The following MBOAT2 variants were observed in gnomAD, a reference collection of about 807,000 sequenced individuals.
The protein encoded by MBOAT2 is membrane bound glycerophospholipid O-acyltransferase 2.
In MBOAT2, 28 loss-of-function variants were observed where a neutral mutation model predicts 63.4. The ratio of observed to expected loss-of-function variants is 0.44; its 90% CI spans 0.33 to 0.61. The LOEUF is 0.61. Ranked by LOEUF, MBOAT2 falls within the 20% of genes least tolerant of loss-of-function variation. The pLI, the probability that MBOAT2 is intolerant of heterozygous loss-of-function variation, is 0.03. For synonymous variants in MBOAT2, 211 were observed against 215.6 expected, an observed-to-expected ratio of 0.98 and a Z score of 0.19; for missense variants, 470 against 605.8, an observed-to-expected ratio of 0.78 and a Z score of 2.35.
chr2:8,905,769 C>T (rs1052635245), intron 4 of MBOAT2, among the ~76,000 whole-genome samples: 2 of 152,060 alleles, frequency 1.3e-5, no homozygotes, highest in East Asian at 1.9e-4. Context: ...CAAACCTGCA[C>T]GTTGTGCACA....
chr2:8,884,833 C>T (rs780794019), intron 5 of MBOAT2, among the ~76,000 whole-genome samples: 3 of 152,210 alleles, frequency 2.0e-5, no homozygotes, highest in Non-Finnish European at 2.9e-5. Context: ...ACAAACCCAG[C>T]CTTCCTTCTC....
At chr2:8,931,699 T>C (rs1667328493) in intron 3 of MBOAT2, among the ~76,000 whole-genome samples, 1 of 152,220 alleles carries the variant, frequency 6.6e-6, no homozygotes, top group South Asian at 2.1e-4. Context: ...GATTTTCTTC[T>C]AGGGTTTCTA....
At position 9,003,654 on chromosome 2, in the gene MBOAT2, C is replaced by G. The variant is rs1269162560; in HGVS notation, c.-40G>C. On this transcript the variant is annotated 5_prime_UTR_variant, in exon 1 of 13. Transcript: ENST00000305997. This position sits in a 1 kb window ranked among gnomAD's most constrained non-coding sequence, Gnocchi z 5.4. ...GCTCCGGCCGCCCGCGCCGCTCGCC[C>G]GCTCGCGCTGTGCCGGGCGACGACG... 1 of 1,126,702 alleles carries G rather than the reference C, an allele frequency of 8.9e-7. No individual in the cohort carries two copies. The highest frequency in any genetic ancestry group is 1.7e-5 in the African/African-American group (1 of 60,454). 69.8% of individuals were successfully genotyped at this position (1,126,702 alleles called of 1,614,324 possible).
At chr2:8,867,988 T>C (rs1228982823) in intron 9 of MBOAT2, among the ~76,000 whole-genome samples, 1 of 152,154 alleles carries the variant, frequency 6.6e-6, no homozygotes, top group Non-Finnish European at 1.5e-5. Flanking sequence ...TCATCCTTCA[T>C]GACTCCCTAA....
At chr2:8,898,984 CT>C (rs1664706739) in intron 4 of MBOAT2, among the ~76,000 whole-genome samples, 1 of 152,206 alleles carries the variant, frequency 6.6e-6, no homozygotes, top group Non-Finnish European at 1.5e-5. Context: ...GCAGGGACTG[CT>C]GCATTTCCTT....
chr2:8,940,681 T>C (rs1667986460), intron 3 of MBOAT2, among the ~76,000 whole-genome samples: 1 of 151,052 alleles, frequency 6.6e-6, no homozygotes, highest in Non-Finnish European at 1.5e-5. Context: ...AAAGTGTGTA[T>C]ACATGTGTGT....
intron 3 of MBOAT2, among the ~76,000 whole-genome samples, chr2:8,938,548 G>A (rs13422584): frequency 0.02 from 3,057 of 150,650 alleles, 34 homozygotes; most frequent in Middle Eastern, 0.038. Context: ...GTTTCATGCC[G>A]CCATCTCATG....
At chr2:8,981,143 C>T (rs969756208) in intron 1 of MBOAT2, among the ~76,000 whole-genome samples, 1 of 152,052 alleles carries the variant, frequency 6.6e-6, no homozygotes, top group Admixed American at 6.6e-5. Context: ...CTACAGAGAT[C>T]GAAAGTAGAC....
At chr2:8,952,928 T>C (rs1388646807) in intron 2 of MBOAT2, among the ~76,000 whole-genome samples, 1 of 152,140 alleles carries the variant, frequency 6.6e-6, no homozygotes, top group Non-Finnish European at 1.5e-5. Flanking sequence ...TTATTCCACT[T>C]GCCACTCTGC....
intron 2 of MBOAT2, 49 bp downstream of exon 2, chr2:8,958,431 CACACACTCAATTCTCAA>C (rs375556358): frequency 1.3e-5 from 18 of 1,411,354 alleles, no homozygotes; most frequent in Middle Eastern, 4.0e-4. Flanking sequence ...TGTATCTTTC[CACACACTCAATTCTCAA>C]ATACATCCAA....
intron 5 of MBOAT2, among the ~76,000 whole-genome samples, 192 bp downstream of exon 5, chr2:8,887,826 C>T (rs1055735349): frequency 6.6e-5 from 10 of 152,122 alleles, no homozygotes; most frequent in Non-Finnish European, 1.0e-4. Context: ...GAATTCAAAA[C>T]GAAGATAAAA....
chr2:9,002,073 C>G (rs567522032), intron 1 of MBOAT2, among the ~76,000 whole-genome samples: 5 of 152,252 alleles, frequency 3.3e-5, no homozygotes, highest in South Asian at 4.1e-4. Flanking sequence ...GTGGAAATGT[C>G]AGCAAGAATC....
rs995813221 is a variant in MBOAT2, at chr2:8,852,744, A to C, written c.*5935T>G. 1 of 152,206 alleles carries C rather than the reference A, an allele frequency of 6.6e-6. No homozygotes were observed. The highest frequency in any genetic ancestry group is 2.4e-5 in the African/African-American group (1 of 41,442). The allele number at this position is 152,206 out of a possible 1,614,324, so 9.4% of individuals were successfully genotyped here. A position where few individuals can be genotyped will look rare whatever the true frequency, so the allele number is the denominator to read the frequency against. ...AAAGACACACAAATTAGAAAAAAAA[A>C]ACATGTCCTAAACATGTTACATGTA... On this transcript the variant is annotated 3_prime_UTR_variant, in exon 13 of 13. Coordinates refer to ENST00000305997, the MANE Select transcript of MBOAT2 (RefSeq NM_138799.4).
At chr2:8,896,666 C>G (rs1353339931) in intron 4 of MBOAT2, among the ~76,000 whole-genome samples, 1 of 152,216 alleles carries the variant, frequency 6.6e-6, no homozygotes, top group East Asian at 1.9e-4. Context: ...GTATAGACGG[C>G]TCCTTCCTGA....
In MBOAT2 at chr2:8,881,766, C is replaced by G. The variant is rs191844194; in HGVS notation, c.506+745G>C. Among the ~76,000 whole-genome samples, 20 of 151,996 alleles carry G rather than the reference C, an allele frequency of 1.3e-4. 1 individual carries two copies. The highest frequency in any genetic ancestry group is 1.3e-3 in the Admixed American group (20 of 15,270). On this transcript the variant is annotated intron_variant, in intron 6 of 12. Transcript: ENST00000305997. Reference sequence around the variant, plus strand: ...TAAAGACAGGAAAATACAAAAAGACCCCCAAGACATGCTACTTGGGATGAA... The same window carrying G: ...TAAAGACAGGAAAATACAAAAAGACGCCCAAGACATGCTACTTGGGATGAA...
intron 3 of MBOAT2, 42 bp downstream of exon 3, chr2:8,943,145 A>T (rs1668167768): frequency 1.7e-6 from 2 of 1,158,926 alleles, no homozygotes; most frequent in Non-Finnish European, 2.4e-6. Flanking sequence ...AGTTCTATTC[A>T]AGTGAAATAT....
chr2:8,861,859 A>G (rs1661523424), intron 11 of MBOAT2, among the ~76,000 whole-genome samples: 1 of 152,132 alleles, frequency 6.6e-6, no homozygotes, highest in African/African-American at 2.4e-5. Context: ...ACTACAAACT[A>G]CTGGAAGCTA....
intron 1 of MBOAT2, among the ~76,000 whole-genome samples, chr2:8,960,640 G>C (rs1350718284): frequency 6.6e-6 from 1 of 152,138 alleles, no homozygotes; most frequent in African/African-American, 2.4e-5. Flanking sequence ...GACAAAGTAT[G>C]ATTCCTTCCA....
intron 4 of MBOAT2, 126 bp downstream of exon 4, chr2:8,908,494 GA>G (rs1665492180): frequency 1.7e-6 from 1 of 586,166 alleles, no homozygotes; most frequent in East Asian, 3.0e-5. Context: ...AATTTAGAAA[GA>G]AATTTTCAAC....
Sources: gnomAD v4.1 joint callset for allele counts (sites outside exome capture counted in the v4.1 genomes callset) on GRCh38, gnomAD v4.1.1 for gene constraint, Gnocchi (gnomAD v3.1) non-coding constraint, MANE v1.5 for transcripts, NCBI Gene and HGNC (gene_info 2026-07-23, HGNC 2026-07-21) for gene names.